Variants in SGCZ observed in about 807,000 individuals in gnomAD.
The protein encoded by SGCZ is zeta-sarcoglycan.
Under a neutral mutation model 41.3 loss-of-function variants are expected in SGCZ, and 40 were observed. The observed-to-expected ratio is 0.97, with a 90% CI of 0.75 to 1.26. SGCZ has a LOEUF of 1.26. Among genes scored for constraint, SGCZ ranks in the 50% most tolerant of loss-of-function variants. The probability of loss-of-function intolerance (pLI) is 0.00; values close to 1 mark genes in which losing one functional copy is unlikely to be tolerated. For synonymous variants in SGCZ, 206 were observed against 137.5 expected (o/e 1.50, Z -3.49); for missense variants, 552 against 369.8 (o/e 1.49, Z -4.04).
intron 1 of SGCZ, among the ~76,000 whole-genome samples, chr8:14,682,255 T>C (rs1052283249): frequency 6.6e-6 from 1 of 152,176 alleles, no homozygotes; most frequent in African/African-American, 2.4e-5. Flanking sequence ...AGGGTTGTAC[T>C]ATAGAAAATA....
intron 1 of SGCZ, among the ~76,000 whole-genome samples, chr8:14,768,780 G>C (rs1340807288): frequency 6.6e-6 from 1 of 151,872 alleles, no homozygotes; most frequent in Non-Finnish European, 1.5e-5. Flanking sequence ...CATTCAGAAA[G>C]CTGTCATATG....
At chr8:14,743,414 GTT>G (rs1244458499) in intron 1 of SGCZ, among the ~76,000 whole-genome samples, 1 of 151,866 alleles carries the variant, frequency 6.6e-6, no homozygotes, top group Non-Finnish European at 1.5e-5. Flanking sequence ...ATGGAATACT[GTT>G]TTATATGAAA....
intron 1 of SGCZ, among the ~76,000 whole-genome samples, chr8:15,095,486 C>A (rs957504599): frequency 1.3e-5 from 2 of 152,076 alleles, no homozygotes; most frequent in South Asian, 4.1e-4. Context: ...TCATTTGTAT[C>A]TTTTCCTTGT....
intron 4 of SGCZ, among the ~76,000 whole-genome samples, chr8:14,182,743 T>A (rs186875604): frequency 1.3e-5 from 2 of 152,252 alleles, no homozygotes; most frequent in Non-Finnish European, 2.9e-5. Flanking sequence ...GCATGATGGC[T>A]CATGCCTATA....
chr8:15,076,667 A>G (rs1450381294), intron 1 of SGCZ, among the ~76,000 whole-genome samples: 3 of 152,012 alleles, frequency 2.0e-5, no homozygotes, highest in Admixed American at 2.0e-4. Context: ...GCCAGAAGGT[A>G]GAGATTGCTC....
At chr8:14,289,430 T>C (rs1181600116) in intron 3 of SGCZ, among the ~76,000 whole-genome samples, 2 of 152,112 alleles carry the variant, frequency 1.3e-5, no homozygotes, top group Admixed American at 6.6e-5. Context: ...TTAGATCCTT[T>C]ATGAGACAAT....
At chr8:15,040,620 T>G (rs182181433) in intron 1 of SGCZ, among the ~76,000 whole-genome samples, 49 of 152,128 alleles carry the variant, frequency 3.2e-4, no homozygotes, top group African/African-American at 9.9e-4. Context: ...AAACTCTATC[T>G]CAAAACAAAA....
intron 2 of SGCZ, among the ~76,000 whole-genome samples, chr8:14,332,053 A>G (rs1160429576): frequency 1.3e-5 from 2 of 152,158 alleles, no homozygotes; most frequent in African/African-American, 2.4e-5. Flanking sequence ...ACCCAAATAC[A>G]TATTTTTATT....
intron 2 of SGCZ, among the ~76,000 whole-genome samples, chr8:14,425,036 G>C (rs1799739848): frequency 6.6e-6 from 1 of 152,038 alleles, no homozygotes; most frequent in Non-Finnish European, 1.5e-5. Flanking sequence ...TATATTTTCT[G>C]TTAGCTTGCC....
chr8:14,757,972 T>G (rs537800695), intron 1 of SGCZ, among the ~76,000 whole-genome samples: 9 of 152,320 alleles, frequency 5.9e-5, no homozygotes, highest in African/African-American at 2.2e-4. Flanking sequence ...TGTATAAGCA[T>G]GTTATGCATA....
intron 3 of SGCZ, among the ~76,000 whole-genome samples, chr8:14,257,060 G>T (rs1295072608): frequency 1.3e-5 from 2 of 152,054 alleles, no homozygotes; most frequent in Non-Finnish European, 2.9e-5. Context: ...GCCAGGCGTG[G>T]TGGCTCATGC....
At chr8:15,222,756 AGT>A (rs145933920) in intron 1 of SGCZ, among the ~76,000 whole-genome samples, 24 of 151,332 alleles carry the variant, frequency 1.6e-4, no homozygotes, top group African/African-American at 2.2e-4. Context: ...TTAAACACAG[AGT>A]GTGTGTGTGT....
intron 2 of SGCZ, among the ~76,000 whole-genome samples, chr8:14,489,874 T>TTTTTTTTTC: frequency 6.8e-6 from 1 of 148,040 alleles, no homozygotes; most frequent in Non-Finnish European, 1.5e-5. Context: ...TACCTTTTTT[T>TTTTTTTTTC]TTTTTTTCCT....
intron 1 of SGCZ, among the ~76,000 whole-genome samples, chr8:14,618,340 G>T (rs1327656307): frequency 1.3e-5 from 2 of 152,158 alleles, no homozygotes; most frequent in Non-Finnish European, 2.9e-5. Context: ...TTTACTCAAG[G>T]CAAGCCCTGT....
intron 1 of SGCZ, among the ~76,000 whole-genome samples, chr8:15,210,836 G>C (rs568470110): frequency 7.1e-4 from 108 of 152,040 alleles, no homozygotes; most frequent in South Asian, 3.1e-3. Context: ...TTCTTACTCA[G>C]TCACTCCCAT....
intron 1 of SGCZ, among the ~76,000 whole-genome samples, chr8:14,596,820 T>C (rs536881184): frequency 2.0e-5 from 3 of 152,284 alleles, no homozygotes; most frequent in Admixed American, 2.0e-4. Flanking sequence ...ACATGTATCC[T>C]GGAAATTAGA....
Position 14,087,422 on chromosome 8 carries a change from C to G in SGCZ, c.*3021G>C, listed in dbSNP as rs1801553261. Among the ~76,000 whole-genome samples the G allele has an allele frequency of 6.6e-6, 1 of 151,490 alleles. No homozygotes were observed. Among genetic ancestry groups the G allele is most frequent in the African/African-American group, 2.4e-5 (1 of 41,334 alleles). ...GAATTCAGATACATCTCGGTTTATC[C>G]ATTCCTGGCAAATAACTTAAATGCT... On this transcript the variant is annotated 3_prime_UTR_variant, in exon 8 of 8. Transcript: ENST00000382080.
chr8:14,875,414 T>C (rs948998679), intron 1 of SGCZ, among the ~76,000 whole-genome samples: 3 of 152,124 alleles, frequency 2.0e-5, no homozygotes, highest in African/African-American at 7.2e-5. Flanking sequence ...GGACATACAT[T>C]CAAACCATAG....
intron 1 of SGCZ, among the ~76,000 whole-genome samples, chr8:15,038,832 A>AAAAAAAAAAAAAG (rs1803968215): frequency 7.1e-6 from 1 of 140,488 alleles, no homozygotes; most frequent in African/African-American, 2.6e-5. Context: ...AAAAAAAAAA[A>AAAAAAAAAAAAAG]AAAAAAAGAA....
Sources: allele counts gnomAD v4.1 joint callset (sites outside exome capture counted in the v4.1 genomes callset), GRCh38; gene constraint gnomAD v4.1.1; transcripts MANE v1.5; gene names NCBI Gene and HGNC (gene_info 2026-07-23, HGNC 2026-07-21).